RIMS1: variants seen among roughly 807,000 people sequenced by gnomAD.
RIMS1 encodes the protein regulating synaptic membrane exocytosis 1, also known as regulating synaptic membrane exocytosis protein 1.
RIMS1 carries 83 observed loss-of-function variants against 214.1 expected under a neutral mutation model. That is an observed-to-expected ratio of 0.39 (90% confidence interval 0.32 to 0.47). The LOEUF is 0.47. RIMS1 is among the 20% of genes least tolerant of loss of function. The probability of loss-of-function intolerance (pLI) is 0.99; values close to 1 mark genes in which losing one functional copy is unlikely to be tolerated. For missense variants in RIMS1, 2,050 were observed against 2,161.8 expected (o/e 0.95, Z 1.03); for synonymous variants, 793 against 786.8 (o/e 1.01, Z -0.13).
intron 4 of RIMS1, among the ~76,000 whole-genome samples, chr6:72,168,306 G>A (rs2046546748): frequency 6.6e-6 from 1 of 152,214 alleles, no homozygotes; most frequent in Non-Finnish European, 1.5e-5. Context: ...TATAGCAAGA[G>A]TGAAAGTTTA....
At chr6:72,254,807 G>A (rs2075083603) in intron 16 of RIMS1, among the ~76,000 whole-genome samples, 2 of 152,152 alleles carry the variant, frequency 1.3e-5, no homozygotes, top group South Asian at 2.1e-4. Flanking sequence ...AAGGAGCACT[G>A]AATTCTAAAT....
intron 29 of RIMS1, among the ~76,000 whole-genome samples, chr6:72,381,967 G>A (rs1354263339): frequency 6.6e-6 from 1 of 152,112 alleles, no homozygotes; most frequent in Non-Finnish European, 1.5e-5. Flanking sequence ...TACATCACTA[G>A]GAAAGATTTG....
intron 4 of RIMS1, among the ~76,000 whole-genome samples, chr6:72,174,538 A>T (rs972280353): frequency 1.3e-5 from 2 of 152,176 alleles, no homozygotes; most frequent in Non-Finnish European, 2.9e-5. Flanking sequence ...GACCATAAAT[A>T]TGAAAAAAAG....
intron 2 of RIMS1, among the ~76,000 whole-genome samples, chr6:72,084,474 A>G (rs1834174806): frequency 6.6e-6 from 1 of 152,208 alleles, no homozygotes; most frequent in Non-Finnish European, 1.5e-5. Context: ...GACCTCTGAT[A>G]TATCTCCAAT....
chr6:72,007,604 A>C (rs1260960178), intron 2 of RIMS1, among the ~76,000 whole-genome samples: 2 of 152,224 alleles, frequency 1.3e-5, no homozygotes, highest in African/African-American at 4.8e-5. Context: ...GATAACTAGA[A>C]TAACCAATGC....
rs566768101 is a variant in RIMS1, at chr6:72,396,117, A to G, written c.4619-2132A>G. Among the ~76,000 whole-genome samples, 703 of 152,162 alleles carry G rather than the reference A, an allele frequency of 4.6e-3. 9 individuals are homozygous for G. Among genetic ancestry groups the G allele is most frequent in the African/African-American group, 0.016 (659 of 41,530 alleles). ...CACATGGTTGGTTTAATATTTGAAA[A>G]CTAATATAATTGATCACATTGCTGT... On this transcript the variant is annotated intron_variant, in intron 31 of 33. Transcript: ENST00000521978.
At chr6:71,945,535 G>A (rs964829463) in intron 1 of RIMS1, among the ~76,000 whole-genome samples, 11 of 152,104 alleles carry the variant, frequency 7.2e-5, no homozygotes, top group Non-Finnish European at 1.3e-4. Flanking sequence ...TAAAGATCAT[G>A]TATGACAAGC....
intron 6 of RIMS1, 131 bp from the exon 7 acceptor site, chr6:72,233,642 G>A (rs909601469): frequency 2.9e-6 from 2 of 698,400 alleles, no homozygotes; most frequent in African/African-American, 1.8e-5. Context: ...ACACAGGTGT[G>A]CATCATTCTG....
rs1298468469 is a variant in RIMS1, at chr6:71,969,001, G to C, written c.183G>C (p.Met61Ile). 1 of 1,613,874 alleles carries C rather than the reference G, an allele frequency of 6.2e-7. No homozygotes were observed. Among genetic ancestry groups the C allele is most frequent in the East Asian group, 2.2e-5 (1 of 44,898 alleles). ...GCCCCAGGTGTGTTGTCAGGGACAT[G>C]GCGAAGCCTGCTGCCTGCAAAACAC... ...EAMLKCVVRD[M>I]AKPAACKTPR... is the part of the protein sequence containing the mutation. Residue 61 changes from methionine (M) to isoleucine (I), a missense_variant, in exon 2 of 34, where the codon ATG (methionine) becomes ATC (isoleucine). Coordinates refer to ENST00000521978, the MANE Select transcript of RIMS1 (RefSeq NM_014989.7).
chr6:72,103,472 T>C (rs1252369484), intron 4 of RIMS1, among the ~76,000 whole-genome samples: 1 of 152,104 alleles, frequency 6.6e-6, no homozygotes, highest in African/African-American at 2.4e-5. Context: ...TAAAATCTGT[T>C]TCAAGAAATT....
intron 6 of RIMS1, among the ~76,000 whole-genome samples, chr6:72,227,453 A>C (rs913733762): frequency 6.6e-6 from 1 of 151,994 alleles, no homozygotes; most frequent in South Asian, 2.1e-4. Flanking sequence ...GAGTCGAATG[A>C]CTGAGCTCAT....
At chr6:72,205,371 A>G (rs1031445950) in intron 6 of RIMS1, among the ~76,000 whole-genome samples, 2 of 152,198 alleles carry the variant, frequency 1.3e-5, no homozygotes, top group Non-Finnish European at 2.9e-5. Context: ...GGAAATTTTA[A>G]TTGGCATAAT....
At chr6:72,328,296 G>A (rs1380741780) in intron 28 of RIMS1, among the ~76,000 whole-genome samples, 1 of 151,712 alleles carries the variant, frequency 6.6e-6, no homozygotes, top group African/African-American at 2.4e-5. Flanking sequence ...AGGCCTGTCA[G>A]GGGGTAGGGG....
chr6:72,261,652 A>G, intron 19 of RIMS1: 3 of 975,676 alleles, frequency 3.1e-6, no homozygotes, highest in Non-Finnish European at 3.7e-6. Flanking sequence ...GAGGAAAGAG[A>G]AAGAAAGAGG....
At chr6:72,154,358 G>T (rs899005562) in intron 4 of RIMS1, among the ~76,000 whole-genome samples, 2 of 140,538 alleles carry the variant, frequency 1.4e-5, no homozygotes, top group African/African-American at 4.9e-5. Flanking sequence ...TTATGCCTAG[G>T]ACATATGATG....
chr6:72,290,971 T>C lies in RIMS1; in HGVS notation c.3737+110T>C, dbSNP rs2093304765. The C allele has an allele frequency of 1.5e-5, 14 of 930,364 alleles. 1 individual carries two copies. The South Asian group carries it at 2.5e-4, about 16-fold the overall frequency. The allele number at this position is 930,364 out of a possible 1,614,324, so 57.6% of individuals were successfully genotyped here. ...TTCACTCATTTTGACACCATAACTTTTAATCCTTTCTTTGTGACACTTAAA... is the reference window on the plus strand; with the variant it reads ...TTCACTCATTTTGACACCATAACTTCTAATCCTTTCTTTGTGACACTTAAA... On this transcript the variant is annotated intron_variant, in intron 25 of 33. Transcript: ENST00000521978.
At chr6:72,262,759 T>A (rs189655422) in intron 19 of RIMS1, 2 of 738,048 alleles carry the variant, frequency 2.7e-6, no homozygotes, top group Non-Finnish European at 3.3e-6. Flanking sequence ...TATGGACACT[T>A]ATTATTTCTA....
intron 24 of RIMS1, among the ~76,000 whole-genome samples, 189 bp downstream of exon 24, chr6:72,284,307 G>A (rs530795991): frequency 8.1e-4 from 123 of 152,140 alleles, no homozygotes; most frequent in Admixed American, 1.9e-3. Context: ...ATTTCAAGGC[G>A]GTTCTTAAAT....
At chr6:72,151,163 C>T (rs2043514527) in intron 4 of RIMS1, among the ~76,000 whole-genome samples, 1 of 152,186 alleles carries the variant, frequency 6.6e-6, no homozygotes, top group African/African-American at 2.4e-5. Flanking sequence ...CTGCCTCAGC[C>T]TCCCAAGTAG....
Sources: allele counts gnomAD v4.1 joint callset (sites outside exome capture counted in the v4.1 genomes callset), GRCh38; gene constraint gnomAD v4.1.1; transcripts MANE v1.5; gene names NCBI Gene and HGNC (gene_info 2026-07-23, HGNC 2026-07-21).